NLGN1: variants seen among roughly 807,000 people sequenced by gnomAD.
NLGN1 encodes the protein neuroligin-1.
Under a neutral mutation model 65.5 loss-of-function variants are expected in NLGN1, and 12 were observed. That is an observed-to-expected ratio of 0.18 (90% CI 0.12 to 0.30). The LOEUF (loss-of-function observed/expected upper bound fraction) is 0.30. NLGN1 is among the 10% of genes least tolerant of loss of function. NLGN1 has a pLI of 1.00. For synonymous variants in NLGN1, 350 were observed against 359.5 expected (o/e 0.97, Z 0.30); for missense variants, 750 against 1,007.1 (o/e 0.74, Z 3.46).
At chr3:173,748,206 A>G (rs929138222) in intron 3 of NLGN1, among the ~76,000 whole-genome samples, 1 of 152,076 alleles carries the variant, frequency 6.6e-6, no homozygotes, top group Non-Finnish European at 1.5e-5. Context: ...GACTCAAGAA[A>G]GATTTTATCA....
intron 1 of NLGN1, among the ~76,000 whole-genome samples, chr3:173,403,292 A>G (rs1329139618): frequency 6.6e-6 from 1 of 152,148 alleles, no homozygotes; most frequent in Non-Finnish European, 1.5e-5. Flanking sequence ...TTGTCATCGT[A>G]TACCTATCTA....
chr3:173,953,590 T>C (rs754120165), intron 4 of NLGN1, among the ~76,000 whole-genome samples: 2 of 152,154 alleles, frequency 1.3e-5, no homozygotes, highest in African/African-American at 2.4e-5. Context: ...AGTCTCACTT[T>C]GTCACCCAGG....
intron 4 of NLGN1, among the ~76,000 whole-genome samples, chr3:174,253,078 C>A (rs1281852028): frequency 6.6e-6 from 1 of 152,046 alleles, no homozygotes; most frequent in East Asian, 1.9e-4. Context: ...GGAAAATAGT[C>A]TAGGTTGCTC....
downstream of NLGN1, among the ~76,000 whole-genome samples, chr3:174,290,499 T>C (rs1048787466): frequency 6.6e-6 from 1 of 151,078 alleles, no homozygotes; most frequent in Non-Finnish European, 1.5e-5. Context: ...AACATTGTCA[T>C]GTCCTCGAAA....
intron 2 of NLGN1, among the ~76,000 whole-genome samples, chr3:173,596,662 AACTTGTCACC>A (rs1749547762): frequency 1.3e-5 from 2 of 148,322 alleles, no homozygotes; most frequent in South Asian, 4.3e-4. Flanking sequence ...TGGCAGAGTA[AACTTGTCACC>A]ACTTTAGTTC....
chr3:173,918,362 C>T (rs1252356493), intron 4 of NLGN1, among the ~76,000 whole-genome samples: 1 of 152,008 alleles, frequency 6.6e-6, no homozygotes, highest in South Asian at 2.1e-4. Flanking sequence ...ATGGGCCGGG[C>T]GCGGTGGCTC....
intron 2 of NLGN1, among the ~76,000 whole-genome samples, chr3:173,553,901 G>A (rs552363008): frequency 2.6e-5 from 4 of 152,260 alleles, no homozygotes; most frequent in East Asian, 1.9e-4. Flanking sequence ...GATCGGAAAG[G>A]AGACTAAATT....
intron 3 of NLGN1, among the ~76,000 whole-genome samples, chr3:173,673,900 G>A (rs963788238): frequency 1.3e-5 from 2 of 152,068 alleles, no homozygotes; most frequent in Admixed American, 1.3e-4. Flanking sequence ...GGGCTCAAAG[G>A]CTCCATTACA....
intron 3 of NLGN1, among the ~76,000 whole-genome samples, chr3:173,684,204 A>T (rs1764364553): frequency 6.6e-6 from 1 of 152,174 alleles, no homozygotes; most frequent in African/African-American, 2.4e-5. Flanking sequence ...TTGAAGACAC[A>T]GTAAGTTTTT....
intron 4 of NLGN1, among the ~76,000 whole-genome samples, chr3:174,168,506 C>G (rs1727944805): frequency 6.6e-6 from 1 of 151,998 alleles, no homozygotes; most frequent in South Asian, 2.1e-4. Flanking sequence ...TTTTATAGCT[C>G]TATGCACATC....
intron 3 of NLGN1, among the ~76,000 whole-genome samples, chr3:173,675,413 T>C (rs959086614): frequency 1.3e-5 from 2 of 151,966 alleles, no homozygotes; most frequent in African/African-American, 4.8e-5. Flanking sequence ...TCTAGGAGCT[T>C]CAGGTAGCAG....
chr3:174,050,997 A>C (rs1734708875), intron 4 of NLGN1, among the ~76,000 whole-genome samples: 1 of 152,028 alleles, frequency 6.6e-6, no homozygotes, highest in Non-Finnish European at 1.5e-5. Flanking sequence ...ACAATCAGCA[A>C]AGGGATGTCC....
Position 173,886,066 on chromosome 3 carries a change from A to G in NLGN1, c.646+78234A>G, listed in dbSNP as rs113804371. Reference sequence around the variant, plus strand: ...CAAACACCTAGGGGCCCATCAGTAGATAAATACTTAGGTAAATTATGTGTG... The same window carrying G: ...CAAACACCTAGGGGCCCATCAGTAGGTAAATACTTAGGTAAATTATGTGTG... On this transcript the variant is annotated intron_variant, in intron 4 of 6. Transcript: ENST00000457714. 1.9e-3 allele frequency among the ~76,000 whole-genome samples: 285 copies of G among 152,248 alleles called. 2 individuals are homozygous for G. Among genetic ancestry groups the G allele is most frequent in the African/African-American group, 6.6e-3 (276 of 41,574 alleles).
Position 173,918,700 on chromosome 3 carries a change from GTGTATATA to G in NLGN1, c.646+110870_646+110877del, listed in dbSNP as rs1170730461. 2.2e-3 allele frequency among the ~76,000 whole-genome samples: 181 copies of G among 81,966 alleles called. No homozygotes were observed. The Middle Eastern group carries it at 0.029, about 13-fold the overall frequency. The allele number at this position is 81,966 out of a possible 152,430, so 53.8% of individuals were successfully genotyped here. On this transcript the variant is annotated intron_variant, in intron 4 of 6. Coordinates refer to ENST00000457714, the Ensembl canonical transcript of NLGN1. Reference sequence around the variant, plus strand: ...TGTGTGTGTGTGTGTGTGTGTGTGTGTGTATATATATATATTGCATAGAATGGTAACGT... The same window carrying G: ...TGTGTGTGTGTGTGTGTGTGTGTGTGTATATATTGCATAGAATGGTAACGT...
At chr3:174,113,416 T>C (rs890771627) in intron 4 of NLGN1, among the ~76,000 whole-genome samples, 2 of 152,070 alleles carry the variant, frequency 1.3e-5, no homozygotes, top group Non-Finnish European at 2.9e-5. Context: ...GACAAAGTTT[T>C]ATGAGACATA....
intron 1 of NLGN1, among the ~76,000 whole-genome samples, chr3:173,419,976 A>C (rs950197937): frequency 7.2e-6 from 1 of 138,256 alleles, no homozygotes; most frequent in East Asian, 2.1e-4. Flanking sequence ...AGTCTCAAAA[A>C]TAAAATAAAA....
intron 4 of NLGN1, among the ~76,000 whole-genome samples, chr3:174,172,825 G>T (rs956856730): frequency 1.4e-4 from 21 of 151,924 alleles, no homozygotes; most frequent in African/African-American, 4.8e-4. Context: ...CATAAAAATT[G>T]TATAACTGTT....
At position 174,215,944 on chromosome 3, in the gene NLGN1, C is replaced by T. The variant is rs149370748; in HGVS notation, c.647-59371C>T. Among the ~76,000 whole-genome samples, 746 of 152,240 alleles carry T rather than the reference C, an allele frequency of 4.9e-3. 1 individual carries two copies. The highest frequency in any genetic ancestry group is 7.6e-3 in the Non-Finnish European group (520 of 67,990). On this transcript the variant is annotated intron_variant, in intron 4 of 6. Coordinates refer to ENST00000457714, the Ensembl canonical transcript of NLGN1. ...AACCTCCTCTCCCCACAGAGCCAAA[C>T]GGCTTTATACTTGCTCCCTCTTCAA...
chr3:174,045,734 A>C (rs1399125810), intron 4 of NLGN1, among the ~76,000 whole-genome samples: 2 of 152,156 alleles, frequency 1.3e-5, no homozygotes, highest in Non-Finnish European at 2.9e-5. Context: ...CACTTTCTTT[A>C]ATGACTTATG....
Sources: allele counts gnomAD v4.1 joint callset (sites outside exome capture counted in the v4.1 genomes callset), GRCh38; gene constraint gnomAD v4.1.1; transcripts MANE v1.5; gene names NCBI Gene and HGNC (gene_info 2026-07-23, HGNC 2026-07-21).